Variants in RASGRP1 observed in about 807,000 individuals in gnomAD.
The protein encoded by RASGRP1 is RAS guanyl releasing protein 1, also known as RAS guanyl-releasing protein 1.
Under a neutral mutation model 95.1 loss-of-function variants are expected in RASGRP1, and 37 were observed. The observed-to-expected ratio is 0.39, with a 90% CI of 0.30 to 0.51. The LOEUF (loss-of-function observed/expected upper bound fraction) is 0.51. Ranked by LOEUF, RASGRP1 falls within the 20% of genes least tolerant of loss-of-function variation. The pLI is 0.80. For synonymous variants in RASGRP1, 325 were observed against 353.4 expected (o/e 0.92, Z 0.90); for missense variants, 711 against 965.4 (o/e 0.74, Z 3.49).
chr15:38,490,403 G>T lies in RASGRP1; in HGVS notation c.*151C>A. Reference sequence around the variant, plus strand: ...AAGAGAAAACAGTGCTGCACATTAGGAATCTTTTAGGTAAATAAACAGTAA... The same window carrying T: ...AAGAGAAAACAGTGCTGCACATTAGTAATCTTTTAGGTAAATAAACAGTAA... On this transcript the variant is annotated 3_prime_UTR_variant, in exon 17 of 17. Coordinates refer to ENST00000310803, the MANE Select transcript of RASGRP1 (RefSeq NM_005739.4). 1 of 751,296 alleles carries T rather than the reference G, an allele frequency of 1.3e-6. No individual in the cohort carries two copies. Among genetic ancestry groups the T allele is most frequent in the Non-Finnish European group, 1.9e-6 (1 of 526,860 alleles). 46.5% of individuals were successfully genotyped at this position (751,296 alleles called of 1,614,324 possible).
intron 16 of RASGRP1, 109 bp from the exon 17 acceptor site, chr15:38,490,797 A>C: frequency 8.7e-7 from 1 of 1,150,804 alleles, no homozygotes; most frequent in Non-Finnish European, 1.2e-6. Flanking sequence ...TGTGGCTGAG[A>C]ATTAACAACC....
intron 2 of RASGRP1, among the ~76,000 whole-genome samples, chr15:38,553,074 T>C (rs1392895211): frequency 6.6e-6 from 1 of 152,210 alleles, no homozygotes; most frequent in Non-Finnish European, 1.5e-5. Flanking sequence ...AAACCAAGCA[T>C]GGGAACCTGT....
chr15:38,519,118 G>A (rs978837566), intron 4 of RASGRP1, among the ~76,000 whole-genome samples, 191 bp downstream of exon 4: 2 of 152,066 alleles, frequency 1.3e-5, no homozygotes, highest in African/African-American at 4.8e-5. Flanking sequence ...TGATACCAAA[G>A]ACTGAAAAAA....
intron 10 of RASGRP1, 74 bp from the exon 11 acceptor site, chr15:38,503,450 C>T: frequency 8.9e-7 from 1 of 1,126,162 alleles, no homozygotes; most frequent in African/African-American, 1.6e-5. Flanking sequence ...TCTTTTCCCA[C>T]TACCTGACGG....
At position 38,502,309 on chromosome 15, in the gene RASGRP1, C is replaced by T; in HGVS notation, c.1538+3G>A. On this transcript the variant is annotated splice_donor_region_variant and intron_variant, in intron 12 of 16. Transcript: ENST00000310803. Reference sequence around the variant, plus strand: ...CCACATATTCCTAAGTACAAACCCTCACCTGTCTTTGTCCATCACACAGAA... The same window carrying T: ...CCACATATTCCTAAGTACAAACCCTTACCTGTCTTTGTCCATCACACAGAA... 6.4e-7 allele frequency: 1 copy of T among 1,556,992 alleles called. No individual in the cohort carries two copies. Among genetic ancestry groups the T allele is most frequent in the Non-Finnish European group, 8.9e-7 (1 of 1,128,652 alleles).
At chr15:38,541,472 G>C (rs1892856317) in intron 2 of RASGRP1, among the ~76,000 whole-genome samples, 1 of 152,126 alleles carries the variant, frequency 6.6e-6, no homozygotes, top group Non-Finnish European at 1.5e-5. Flanking sequence ...CATGACTATG[G>C]TCCCAGCTAT....
chr15:38,488,164 A>G lies in RASGRP1; in HGVS notation c.*2390T>C, dbSNP rs1275337175. The G allele has an allele frequency of 1.3e-5, 2 of 152,086 alleles. No individual in the cohort carries two copies. Among genetic ancestry groups the G allele is most frequent in the Admixed American group, 1.3e-4 (2 of 15,272 alleles). 9.4% of individuals were successfully genotyped at this position (152,086 alleles called of 1,614,324 possible). On this transcript the variant is annotated 3_prime_UTR_variant, in exon 17 of 17. Transcript: ENST00000310803. Reference sequence around the variant, plus strand: ...TACACAAAGAAAACTTACATTAGGTATCAAAAAACTTTACAATCTGTACAT... The same window carrying G: ...TACACAAAGAAAACTTACATTAGGTGTCAAAAAACTTTACAATCTGTACAT...
chr15:38,512,576 T>C (rs570621502), intron 7 of RASGRP1, among the ~76,000 whole-genome samples: 4 of 152,314 alleles, frequency 2.6e-5, no homozygotes, highest in Non-Finnish European at 4.4e-5. Context: ...ATGGCCTGTA[T>C]GGCCCCCTCC....
intron 2 of RASGRP1, among the ~76,000 whole-genome samples, chr15:38,553,055 G>A (rs781392106): frequency 5.3e-5 from 8 of 152,186 alleles, no homozygotes; most frequent in Admixed American, 1.3e-4. Context: ...TCAAGACTGT[G>A]ACAGCATTAA....
At chr15:38,500,404 C>T (rs961048076) in intron 13 of RASGRP1, among the ~76,000 whole-genome samples, 3 of 151,542 alleles carry the variant, frequency 2.0e-5, no homozygotes, top group Non-Finnish European at 2.9e-5. Flanking sequence ...TGCAGTGGTG[C>T]GATCTCGGCT....
intron 15 of RASGRP1, among the ~76,000 whole-genome samples, chr15:38,497,361 C>T (rs991820248): frequency 1.3e-5 from 2 of 151,950 alleles, no homozygotes; most frequent in African/African-American, 4.8e-5. Flanking sequence ...CATTTTTCTA[C>T]TTCATCTCTT....
rs1008008805 is a variant in RASGRP1 at position 38,498,731 on chromosome 15, G to A, written c.1873+63C>T. On this transcript the variant is annotated intron_variant, in intron 15 of 16. Transcript: ENST00000310803. ...CACAGAGTCATGAGGTAATCTTTCC[G>A]TCTCTAAAACTTTTCCCTTCCTACT... is the stretch of plus-strand genomic sequence containing the variant. The A allele has an allele frequency of 7.9e-5, 123 of 1,562,422 alleles. 4 individuals carry two copies. The South Asian group carries it at 1.0e-3, about 13-fold the overall frequency.
At chr15:38,549,130 T>C (rs925264745) in intron 2 of RASGRP1, among the ~76,000 whole-genome samples, 4 of 152,136 alleles carry the variant, frequency 2.6e-5, no homozygotes, top group Non-Finnish European at 4.4e-5. Context: ...TGGCAGTAAT[T>C]CACAGTCTGG....
At position 38,505,830 on chromosome 15, in the gene RASGRP1, A is replaced by T; in HGVS notation, c.1323+10T>A. 1 of 1,591,104 alleles carries T rather than the reference A, an allele frequency of 6.3e-7. No homozygotes were observed. Among genetic ancestry groups the T allele is most frequent in the Non-Finnish European group, 8.6e-7 (1 of 1,160,642 alleles). Reference sequence around the variant, plus strand: ...CTGTTACATGTGGAGTCTTAATATGAAAAACTCACTGGAGCTCTGTGGTTC... The same window carrying T: ...CTGTTACATGTGGAGTCTTAATATGTAAAACTCACTGGAGCTCTGTGGTTC... On this transcript the variant is annotated intron_variant, in intron 10 of 16. Transcript: ENST00000310803.
chr15:38,502,481 G>A, intron 11 of RASGRP1, 60 bp from the exon 12 acceptor site: 1 of 1,071,406 alleles, frequency 9.3e-7, no homozygotes, highest in South Asian at 1.4e-5. Context: ...TCTCCCTTTA[G>A]TCAAATGACA....
intron 6 of RASGRP1, among the ~76,000 whole-genome samples, chr15:38,514,589 A>G (rs1891683634): frequency 6.6e-6 from 1 of 152,170 alleles, no homozygotes; most frequent in Non-Finnish European, 1.5e-5. Flanking sequence ...GTGTTTGGTA[A>G]AACTGTTTAG....
chr15:38,518,235 G>A (rs1003783447), intron 5 of RASGRP1, 57 bp downstream of exon 5: 1 of 1,557,360 alleles, frequency 6.4e-7, no homozygotes, highest in Non-Finnish European at 8.8e-7. Context: ...AAGCAACTGG[G>A]ATTATATTAC....
rs111290871 is a variant in RASGRP1 at position 38,546,188 on chromosome 15, A to G, written c.220+13633T>C. ...GTATGTACTGCAGATTGGAATTTTA[A>G]TAACATTTTACATAAATTATAACTT... is the stretch of plus-strand genomic sequence containing the variant. On this transcript the variant is annotated intron_variant, in intron 2 of 16. Transcript: ENST00000310803. Among the ~76,000 whole-genome samples the G allele has an allele frequency of 8.5e-3, 1,288 of 152,278 alleles. 14 individuals carry two copies. The highest frequency in any genetic ancestry group is 0.029 in the African/African-American group (1,218 of 41,544).
intron 15 of RASGRP1, among the ~76,000 whole-genome samples, chr15:38,498,004 A>T (rs1223724250): frequency 6.6e-6 from 1 of 152,114 alleles, no homozygotes; most frequent in Non-Finnish European, 1.5e-5. Flanking sequence ...GGTTCCTCAG[A>T]CTAGGACCTG....
Sources: allele counts gnomAD v4.1 joint callset (sites outside exome capture counted in the v4.1 genomes callset), GRCh38; gene constraint gnomAD v4.1.1; transcripts MANE v1.5; gene names NCBI Gene and HGNC (gene_info 2026-07-23, HGNC 2026-07-21).